The following CDYL variants were observed in gnomAD, a reference collection of about 807,000 sequenced individuals.
CDYL encodes chromodomain Y-like protein.
CDYL carries 8 observed loss-of-function variants against 47.3 expected under a neutral mutation model. That is an observed-to-expected ratio of 0.17 (90% CI 0.10 to 0.31). The LOEUF (loss-of-function observed/expected upper bound fraction) is 0.31, where lower values mean the gene tolerates loss of function less well. Ranked by LOEUF, CDYL falls within the 10% of genes least tolerant of loss-of-function variation. The pLI, the probability that CDYL is intolerant of heterozygous loss-of-function variation, is 1.00. For missense variants in CDYL, 471 were observed against 701.4 expected (o/e 0.67, Z 3.71); for synonymous variants, 266 against 265.0 (o/e 1.00, Z -0.04).
intron 3 of CDYL, among the ~76,000 whole-genome samples, chr6:4,737,595 C>T (rs983464561): frequency 1.3e-5 from 2 of 150,536 alleles, no homozygotes; most frequent in Non-Finnish European, 2.9e-5. Flanking sequence ...TGCAGTGAGC[C>T]GTGATCATGT....
intron 2 of CDYL, among the ~76,000 whole-genome samples, chr6:4,908,538 C>T (rs551381541): frequency 4.6e-5 from 7 of 152,298 alleles, no homozygotes; most frequent in Admixed American, 3.3e-4. Flanking sequence ...CCTCAGAACC[C>T]TCTCCTCCTG....
At chr6:4,905,442 C>G (rs1757205853) in intron 2 of CDYL, among the ~76,000 whole-genome samples, 1 of 152,176 alleles carries the variant, frequency 6.6e-6, no homozygotes. Context: ...GAAATGTATT[C>G]TGTGACAAAG....
At chr6:4,925,869 A>G (rs1757858739) in intron 2 of CDYL, among the ~76,000 whole-genome samples, 3 of 152,106 alleles carry the variant, frequency 2.0e-5, no homozygotes, top group South Asian at 4.1e-4. Context: ...GTGAATAAGA[A>G]TAGCCCGGCA....
At chr6:4,853,897 A>T (rs1331174847) in intron 1 of CDYL, among the ~76,000 whole-genome samples, 2 of 151,874 alleles carry the variant, frequency 1.3e-5, no homozygotes, top group African/African-American at 4.9e-5. Context: ...GCCTTCGCAC[A>T]CCTTGTTTCT....
intron 3 of CDYL, among the ~76,000 whole-genome samples, chr6:4,763,124 T>A (rs1417200034): frequency 2.0e-5 from 3 of 152,158 alleles, no homozygotes; most frequent in Admixed American, 1.3e-4. Flanking sequence ...CTATAAAATA[T>A]ACTAAAAGCA....
chr6:4,895,823 A>G (rs867165893), intron 2 of CDYL, among the ~76,000 whole-genome samples: 1 of 152,232 alleles, frequency 6.6e-6, no homozygotes, highest in South Asian at 2.1e-4. Context: ...GGAAGATAAT[A>G]ATAGCTTCCA....
intron 2 of CDYL, among the ~76,000 whole-genome samples, chr6:4,904,471 G>A (rs1757166505): frequency 6.6e-6 from 1 of 152,204 alleles, no homozygotes; most frequent in Non-Finnish European, 1.5e-5. Context: ...CGATGTATTT[G>A]CTCTTCCGAG....
chr6:4,935,405 C>T (rs990255117), intron 2 of CDYL, 110 bp from the exon 3 acceptor site: 17 of 936,580 alleles, frequency 1.8e-5, no homozygotes, highest in African/African-American at 1.5e-4. Context: ...TTCTTATATT[C>T]GTTTAATCCT....
At chr6:4,744,727 A>G (rs1160181997) in intron 3 of CDYL, among the ~76,000 whole-genome samples, 2 of 152,186 alleles carry the variant, frequency 1.3e-5, no homozygotes, top group African/African-American at 2.4e-5. Context: ...CGGCTTAAAG[A>G]GGTTAATTTT....
At chr6:4,746,732 G>C (rs1214498992) in intron 3 of CDYL, among the ~76,000 whole-genome samples, 1 of 152,168 alleles carries the variant, frequency 6.6e-6, no homozygotes, top group African/African-American at 2.4e-5. Context: ...GAGTTCACAG[G>C]ACAGATCTGG....
intron 3 of CDYL, among the ~76,000 whole-genome samples, chr6:4,769,340 C>G (rs963452689): frequency 5.3e-5 from 8 of 152,150 alleles, no homozygotes; most frequent in Admixed American, 1.3e-4. Context: ...TGAAAAACAT[C>G]AACAACTAAA....
At chr6:4,755,541 C>G (rs1178130210) in intron 3 of CDYL, among the ~76,000 whole-genome samples, 1 of 152,008 alleles carries the variant, frequency 6.6e-6, no homozygotes, top group Admixed American at 6.5e-5. Context: ...GTTCCAACTT[C>G]TTAGATTACC....
chr6:4,747,730 T>G (rs975061830), intron 3 of CDYL, among the ~76,000 whole-genome samples: 1 of 152,172 alleles, frequency 6.6e-6, no homozygotes, highest in Non-Finnish European at 1.5e-5. Context: ...TGCAAGGCCC[T>G]TGAGTCAGAA....
intron 1 of CDYL, among the ~76,000 whole-genome samples, chr6:4,852,669 A>T (rs916573903): frequency 1.3e-5 from 2 of 151,862 alleles, no homozygotes; most frequent in African/African-American, 2.4e-5. Flanking sequence ...ATCATTGATT[A>T]TAAGCAAAGA....
chr6:4,714,563 C>T (rs72821405), intron 1 of CDYL: 12,352 of 152,386 alleles, frequency 0.081, 527 homozygotes, highest in Middle Eastern at 0.15. Flanking sequence ...AGCACTGCTG[C>T]TGGCCAGCCC....
chr6:4,807,670 T>C (rs1435009607), intron 1 of CDYL, among the ~76,000 whole-genome samples: 1 of 144,700 alleles, frequency 6.9e-6, no homozygotes, highest in South Asian at 2.2e-4. Flanking sequence ...GTGGTGTGAA[T>C]GTGGCTCACT....
intron 1 of CDYL, among the ~76,000 whole-genome samples, chr6:4,812,217 A>G (rs77154188): frequency 0.019 from 2,838 of 152,362 alleles, 106 homozygotes; most frequent in African/African-American, 0.065. Context: ...AAGATGCCCT[A>G]GATACCTCTA....
chr6:4,930,806 C>A (rs1193442763), intron 2 of CDYL, among the ~76,000 whole-genome samples: 2 of 152,158 alleles, frequency 1.3e-5, no homozygotes, highest in Admixed American at 1.3e-4. Flanking sequence ...CTTTCCTAGT[C>A]GAATGTTATG....
intron 3 of CDYL, among the ~76,000 whole-genome samples, chr6:4,752,941 A>G (rs1582311929): frequency 6.6e-6 from 1 of 151,912 alleles, no homozygotes; most frequent in Non-Finnish European, 1.5e-5. Flanking sequence ...TTTTTAAGAC[A>G]GCATCTCACT....
Sources: gnomAD v4.1 joint callset for allele counts (sites outside exome capture counted in the v4.1 genomes callset) on GRCh38, gnomAD v4.1.1 for gene constraint, MANE v1.5 for transcripts, NCBI Gene and HGNC (gene_info 2026-07-23, HGNC 2026-07-21) for gene names.